Variants in IQSEC2 observed in about 807,000 individuals in gnomAD.
The protein encoded by IQSEC2 is IQ motif and SEC7 domain-containing protein 2.
Under a neutral mutation model 74.6 loss-of-function variants are expected in IQSEC2, and 6 were observed. The ratio of observed to expected loss-of-function variants is 0.08; its 90% CI spans 0.04 to 0.16. The LOEUF is 0.16. Ranked by LOEUF, IQSEC2 falls within the 10% of genes least tolerant of loss-of-function variation. IQSEC2 has a pLI of 1.00. For synonymous variants in IQSEC2, 494 were observed against 544.5 expected (o/e 0.91, Z 1.29); for missense variants, 734 against 1,306.2 (o/e 0.56, Z 6.75).
chrX:53,255,844 G>A lies in IQSEC2; in HGVS notation c.955C>T (p.Leu319=). The change falls in exon 3 of 15, where the codon CTA becomes TTA. Residue 319 remains leucine, a synonymous_variant. Transcript: ENST00000642864. ...EEEEIKRSKA[L]SDSYELSTDL... ...GTGGAGAGTTCATAGCTGTCCGATA[G>A]GGCCTTGGAGCGCTTTATCTCCTCC... is the stretch of plus-strand genomic sequence containing the variant. 2.5e-6 allele frequency: 3 copies of A among 1,211,623 alleles called. No individual in the cohort carries two copies. Among genetic ancestry groups the A allele is most frequent in the Non-Finnish European group, 3.4e-6 (3 of 895,290 alleles).
intron 2 of IQSEC2, among the ~76,000 whole-genome samples, chrX:53,259,656 C>A (rs782537821): frequency 9.0e-6 from 1 of 110,513 alleles, no homozygotes; most frequent in East Asian, 2.8e-4. Flanking sequence ...AAAAATTAGC[C>A]AGGCGTGGTG....
intron 2 of IQSEC2, among the ~76,000 whole-genome samples, chrX:53,258,844 A>AAAAC (rs1293862735): frequency 2.3e-5 from 2 of 86,434 alleles, no homozygotes; most frequent in African/African-American, 8.5e-5. Context: ...ACTCCGTCTA[A>AAAAC]AAACAAACAA....
At chrX:53,240,671 C>A (rs1569295608) in intron 10 of IQSEC2, among the ~76,000 whole-genome samples, 1 of 112,304 alleles carries the variant, frequency 8.9e-6, no homozygotes, top group East Asian at 2.8e-4. Flanking sequence ...GGAAGCTGGA[C>A]CCTGAAAGTC....
intron 1 of IQSEC2, among the ~76,000 whole-genome samples, chrX:53,301,581 C>T (rs1438975094): frequency 8.9e-6 from 1 of 112,165 alleles, no homozygotes; most frequent in Non-Finnish European, 1.9e-5. Context: ...TTACCCAGGT[C>T]CATCTGTTAG....
At chrX:53,312,979 T>C (rs372523546) in intron 1 of IQSEC2, among the ~76,000 whole-genome samples, 47 of 112,332 alleles carry the variant, frequency 4.2e-4, no homozygotes, top group African/African-American at 1.5e-3. Context: ...ATTAGTGAAA[T>C]GGTACCTATT....
At chrX:53,288,666 T>C (rs1233558683) in intron 2 of IQSEC2, among the ~76,000 whole-genome samples, 2 of 112,146 alleles carry the variant, frequency 1.8e-5, no homozygotes, top group African/African-American at 3.3e-5. Context: ...ACACTACAGT[T>C]TGTTGCACCA....
intron 1 of IQSEC2, among the ~76,000 whole-genome samples, chrX:53,297,082 C>T (rs989429059): frequency 8.2e-5 from 9 of 109,761 alleles, no homozygotes; most frequent in African/African-American, 2.7e-4. Context: ...CTCACTGCAA[C>T]CTCTGCCTCC....
chrX:53,279,828 G>C, intron 2 of IQSEC2: 1 of 430,469 alleles, frequency 2.3e-6, no homozygotes, highest in Non-Finnish European at 4.1e-6. Flanking sequence ...GAGGCAGGGA[G>C]GGAGGAAAGG....
chrX:53,277,391 T>C (rs782099005), intron 2 of IQSEC2, among the ~76,000 whole-genome samples: 1 of 109,876 alleles, frequency 9.1e-6, no homozygotes, highest in African/African-American at 3.3e-5. Context: ...ATTTTTTATT[T>C]TTTATTTTTA....
chrX:53,231,690 G>A (rs1602254157), downstream of IQSEC2: 1 of 112,103 alleles, frequency 8.9e-6, no homozygotes, highest in East Asian at 2.8e-4. Flanking sequence ...TCAAGTTGAA[G>A]GTGGGGAAAT....
rs45617536 is a variant in IQSEC2, at chrX:53,266,496, C to A, written c.738-10435G>T. The A allele has an allele frequency of 0.041, 30,997 of 755,131 alleles. 492 individuals carry two copies. The highest frequency in any genetic ancestry group is 0.046 in the Non-Finnish European group (29,422 of 641,142). The allele number at this position is 755,131 out of a possible 1,213,427, so 62.2% of individuals were successfully genotyped here. A position where few individuals can be genotyped will look rare whatever the true frequency, so the allele number is the denominator to read the frequency against. On this transcript the variant is annotated intron_variant, in intron 2 of 14. Coordinates refer to ENST00000642864, the MANE Select transcript of IQSEC2 (RefSeq NM_001111125.3). ...GGCAGCAATGGCCACAGCAAGGGAA[C>A]AAACGACAGGGAACTAGGCAGGCTG...
intron 1 of IQSEC2, among the ~76,000 whole-genome samples, chrX:53,300,644 G>A (rs1164891659): frequency 2.7e-5 from 3 of 111,545 alleles, no homozygotes; most frequent in East Asian, 2.8e-4. Flanking sequence ...CTAAATAAAC[G>A]AATTGGACCC....
At chrX:53,251,265 GGTAA>G in intron 4 of IQSEC2, 91 bp from the exon 5 acceptor site, 1 of 956,624 alleles carries the variant, frequency 1.0e-6, no homozygotes, top group Non-Finnish European at 1.4e-6. Context: ...GAGGGAGGGA[GGTAA>G]GGAAAAAGGG....
intron 2 of IQSEC2, among the ~76,000 whole-genome samples, chrX:53,275,031 A>G (rs1569317710): frequency 8.9e-6 from 1 of 112,092 alleles, no homozygotes; most frequent in African/African-American, 3.2e-5. Context: ...CAGAAGTTTT[A>G]AATTTTAATG....
At chrX:53,238,082 T>G in intron 12 of IQSEC2, 63 bp downstream of exon 12, 1 of 1,097,549 alleles carries the variant, frequency 9.1e-7, no homozygotes, top group Non-Finnish European at 1.2e-6. Context: ...GAGGATAGGA[T>G]TCTTGGTTTC....
In IQSEC2 at chrX:53,235,201, G is replaced by A. The variant is rs1556859373; in HGVS notation, c.3502-17C>T. 2 of 1,164,851 alleles carry A rather than the reference G, an allele frequency of 1.7e-6. No homozygotes were observed. On this transcript the variant is annotated splice_polypyrimidine_tract_variant and intron_variant, in intron 14 of 14. Transcript: ENST00000642864. ...AACAGACCCCTGGAAGCGGGGAGGG[G>A]GGAAGTCAGGCCAGGCTAGATGCCC...
At chrX:53,254,960 G>A (rs782523759) in intron 3 of IQSEC2, 29 bp from the exon 4 acceptor site, 2 of 1,195,158 alleles carry the variant, frequency 1.7e-6, no homozygotes, top group Admixed American at 4.4e-5. Context: ...GGGGAACAAG[G>A]TCAGAAAGTC....
chrX:53,291,074 G>A (rs2075094472), intron 2 of IQSEC2, among the ~76,000 whole-genome samples: 1 of 111,720 alleles, frequency 9.0e-6, no homozygotes, highest in African/African-American at 3.3e-5. Context: ...CAGCTCAGTG[G>A]CCTATCCCAT....
rs2075420336 is a variant in IQSEC2 at position 53,320,584 on chromosome X, C to T, written c.540G>A (p.Pro180=). The change falls in exon 1 of 15, where the codon CCG becomes CCA. Residue 180 remains proline (P), a synonymous_variant. Coordinates refer to ENST00000642864, the MANE Select transcript of IQSEC2 (RefSeq NM_001111125.3). ...AATAGCCCGCTTCCTTCTCGCGGCC[C>T]GGGTGCGCCGGCCCGGCCTCCCGCC... The part of the protein sequence containing the change: ...RGGREAGPAH[P]GREKEAGYSA... 4.3e-6 allele frequency: 5 copies of T among 1,154,302 alleles called. No individual in the cohort carries two copies. The highest frequency in any genetic ancestry group is 5.8e-6 in the Non-Finnish European group (5 of 868,008).
Sources: gnomAD v4.1 joint callset for allele counts (sites outside exome capture counted in the v4.1 genomes callset) on GRCh38, gnomAD v4.1.1 for gene constraint, MANE v1.5 for transcripts, NCBI Gene and HGNC (gene_info 2026-07-23, HGNC 2026-07-21) for gene names.